SNX29: variants seen among roughly 807,000 people sequenced by gnomAD.
The protein encoded by SNX29 is sorting nexin 29, also known as sorting nexin-29.
In SNX29, 78 loss-of-function variants were observed where a neutral mutation model predicts 102.1. The observed-to-expected ratio is 0.76, with a 90% CI of 0.64 to 0.92. SNX29 has a LOEUF of 0.92. Among genes scored for constraint, SNX29 ranks in the 40% least tolerant of loss-of-function variants. SNX29 has a pLI of 0.00. For synonymous variants in SNX29, 580 were observed against 414.5 expected, an observed-to-expected ratio of 1.40 and a Z score of -4.85; for missense variants, 1,280 against 1,061.7, an observed-to-expected ratio of 1.21 and a Z score of -2.86.
intron 15 of SNX29, among the ~76,000 whole-genome samples, chr16:12,283,111 A>G (rs2080134823): frequency 6.6e-6 from 1 of 152,106 alleles, no homozygotes; most frequent in Non-Finnish European, 1.5e-5. Context: ...ACCATTGAGT[A>G]ATAGATGGTG....
chr16:12,566,427 C>T (rs1213591857), intron 20 of SNX29, among the ~76,000 whole-genome samples: 1 of 41,198 alleles, frequency 2.4e-5, no homozygotes, highest in African/African-American at 1.5e-4. Context: ...TCCAGGGCCT[C>T]TCCCCCCAAG....
chr16:12,085,981 TA>T (rs2052153027), intron 11 of SNX29, among the ~76,000 whole-genome samples: 2 of 151,836 alleles, frequency 1.3e-5, no homozygotes, highest in Admixed American at 1.3e-4. Context: ...CAGGTGTTCT[TA>T]CTCCAAAACC....
intron 16 of SNX29, among the ~76,000 whole-genome samples, chr16:12,360,591 T>A (rs2082273566): frequency 6.6e-6 from 1 of 152,100 alleles, no homozygotes; most frequent in African/African-American, 2.4e-5. Flanking sequence ...AGGTGCGAGT[T>A]CACACCAGAC....
chr16:12,255,358 G>A (rs559528217), intron 14 of SNX29, among the ~76,000 whole-genome samples: 4 of 149,910 alleles, frequency 2.7e-5, no homozygotes, highest in African/African-American at 7.6e-5. Flanking sequence ...ACCATGCCTG[G>A]CTAATTTTTT....
chr16:12,101,708 T>C (rs771695267), intron 11 of SNX29, among the ~76,000 whole-genome samples: 5 of 152,186 alleles, frequency 3.3e-5, no homozygotes, highest in Non-Finnish European at 7.3e-5. Context: ...AATCATCTTA[T>C]GTTGGCAGCT....
chr16:12,554,499 C>A (rs772443888), intron 20 of SNX29, among the ~76,000 whole-genome samples: 3 of 152,220 alleles, frequency 2.0e-5, no homozygotes, highest in Admixed American at 2.0e-4. Context: ...TTCCAAGCTT[C>A]CTCCGCAGCA....
intron 20 of SNX29, among the ~76,000 whole-genome samples, chr16:12,542,743 A>C (rs2902961): frequency 0.13 from 17,729 of 138,616 alleles, 1,327 homozygotes; most frequent in Non-Finnish European, 0.17. Context: ...GCATATAAGC[A>C]CTAGACTATC....
At chr16:12,044,828 G>A (rs750314082) in intron 5 of SNX29, among the ~76,000 whole-genome samples, 4 of 152,226 alleles carry the variant, frequency 2.6e-5, no homozygotes, top group East Asian at 1.9e-4. Context: ...TGATCCTCCC[G>A]CCTCGGCCTC....
At chr16:11,993,008 A>G (rs1465297738) in intron 1 of SNX29, among the ~76,000 whole-genome samples, 2 of 149,946 alleles carry the variant, frequency 1.3e-5, no homozygotes, top group African/African-American at 5.0e-5. Context: ...CTAAAAATAC[A>G]AAAAAAATTA....
At chr16:12,366,189 C>T (rs1044573747) in intron 16 of SNX29, among the ~76,000 whole-genome samples, 1 of 151,858 alleles carries the variant, frequency 6.6e-6, no homozygotes, top group African/African-American at 2.4e-5. Flanking sequence ...GTTTGATAGT[C>T]TTCCTTACTG....
chr16:12,545,672 G>T (rs1406337208), intron 20 of SNX29: 1 of 152,208 alleles, frequency 6.6e-6, no homozygotes, highest in Non-Finnish European at 1.5e-5. Context: ...CAGCTTCTAG[G>T]CTCCAGGTTA....
chr16:11,977,023 T>C lies in SNX29; in HGVS notation c.7+210T>C, dbSNP rs1015739942. 3.9e-5 allele frequency: 20 copies of C among 518,448 alleles called. No individual in the cohort carries two copies. The South Asian group carries it at 5.3e-4, about 14-fold the overall frequency. The allele number at this position is 518,448 out of a possible 1,614,324, so 32.1% of individuals were successfully genotyped here. ...CTGATCTCCCGTGGCGGGGCACTCC[T>C]GGTCTCCTGACTCCTGTCCATCCAT... On this transcript the variant is annotated intron_variant, in intron 1 of 20. Coordinates refer to ENST00000566228, the MANE Select transcript of SNX29 (RefSeq NM_032167.5).
At chr16:12,039,175 G>T (rs2057560425) in intron 4 of SNX29, among the ~76,000 whole-genome samples, 1 of 152,254 alleles carries the variant, frequency 6.6e-6, no homozygotes, top group Non-Finnish European at 1.5e-5. Flanking sequence ...GAACCCACGC[G>T]AATGCCCTCT....
intron 13 of SNX29, among the ~76,000 whole-genome samples, chr16:12,157,370 C>T (rs1403542876): frequency 1.3e-5 from 2 of 152,070 alleles, no homozygotes; most frequent in African/African-American, 4.8e-5. Flanking sequence ...ACACACTGGC[C>T]CTCCACAGCA....
At chr16:12,504,629 C>T (rs1258650353) in intron 19 of SNX29, among the ~76,000 whole-genome samples, 1 of 152,322 alleles carries the variant, frequency 6.6e-6, no homozygotes, top group East Asian at 1.9e-4. Context: ...CAGTACAGTA[C>T]AGTAAGATAT....
At chr16:12,410,941 C>A (rs533612494) in intron 18 of SNX29, among the ~76,000 whole-genome samples, 2 of 152,176 alleles carry the variant, frequency 1.3e-5, no homozygotes, top group African/African-American at 4.8e-5. Context: ...TAGCTTACCC[C>A]TTGGGCCCTC....
Position 12,422,513 on chromosome 16 carries a change from A to C in SNX29, c.2037+18984A>C, listed in dbSNP as rs539209635. ...GCAAAAAGCAGCTTGTTTCCCTCTC[A>C]GCTTCTTCTGGCAAGTGAGATGCTT... On this transcript the variant is annotated intron_variant, in intron 18 of 20. Transcript: ENST00000566228. Among the ~76,000 whole-genome samples, 9 of 152,300 alleles carry C rather than the reference A, an allele frequency of 5.9e-5. No homozygotes were observed. In the South Asian group the frequency reaches 1.9e-3, roughly 32 times the overall value.
intron 11 of SNX29, among the ~76,000 whole-genome samples, chr16:12,090,907 C>G (rs888186364): frequency 2.7e-5 from 4 of 148,480 alleles, no homozygotes; most frequent in Admixed American, 6.9e-5. Flanking sequence ...CCCAGCTACT[C>G]GAGAGGCTGA....
chr16:12,541,478 C>G (rs1047443721), intron 20 of SNX29, among the ~76,000 whole-genome samples: 1 of 152,172 alleles, frequency 6.6e-6, no homozygotes, highest in Non-Finnish European at 1.5e-5. Context: ...GAGCCAGGAT[C>G]TCAGACCCAG....
Sources: gnomAD v4.1 joint callset for allele counts (sites outside exome capture counted in the v4.1 genomes callset) on GRCh38, gnomAD v4.1.1 for gene constraint, MANE v1.5 for transcripts, NCBI Gene and HGNC (gene_info 2026-07-23, HGNC 2026-07-21) for gene names.